Variants in STARD13 observed in about 807,000 individuals in gnomAD.
STARD13 encodes stAR-related lipid transfer protein 13.
In STARD13, 62 loss-of-function variants were observed where a neutral mutation model predicts 106.4. The observed-to-expected ratio is 0.58, with a 90% CI of 0.48 to 0.72. The LOEUF is 0.72. Ranked by LOEUF, STARD13 falls within the 30% of genes least tolerant of loss-of-function variation. STARD13 has a pLI of 0.00. For synonymous variants in STARD13, 565 were observed against 553.0 expected (o/e 1.02, Z -0.31); for missense variants, 1,387 against 1,424.0 (o/e 0.97, Z 0.42).
intron 1 of STARD13, among the ~76,000 whole-genome samples, chr13:33,225,541 G>C (rs993933826): frequency 7.9e-5 from 12 of 152,042 alleles, no homozygotes; most frequent in African/African-American, 2.9e-4. Flanking sequence ...GAAGAGCTTT[G>C]GTACATAATA....
intron 1 of STARD13, among the ~76,000 whole-genome samples, chr13:33,252,476 G>A (rs1002003433): frequency 2.0e-5 from 3 of 152,088 alleles, no homozygotes; most frequent in South Asian, 2.1e-4. Flanking sequence ...CCTCCCTTCC[G>A]CATACTTTCA....
intron 1 of STARD13, among the ~76,000 whole-genome samples, chr13:33,307,717 T>A (rs180805843): frequency 6.6e-6 from 1 of 152,244 alleles, no homozygotes; most frequent in Admixed American, 6.5e-5. Context: ...TGGGGCTTAA[T>A]ACCTAGGTGA....
chr13:33,343,770 C>A (rs1361099523), downstream of STARD13, among the ~76,000 whole-genome samples: 1 of 151,648 alleles, frequency 6.6e-6, no homozygotes, highest in African/African-American at 2.4e-5. Context: ...GTAATTTATT[C>A]AGGTCTTGTC....
At chr13:33,479,608 C>T in the STARD13 span, among the ~76,000 whole-genome samples, 2 of 152,158 alleles carry the variant, frequency 1.3e-5, no homozygotes, top group African/African-American at 4.8e-5. Flanking sequence ...GGAGTTGACA[C>T]AGATGTATTG....
intron 1 of STARD13, among the ~76,000 whole-genome samples, chr13:33,341,608 A>G (rs1467269497): frequency 6.7e-6 from 1 of 149,102 alleles, no homozygotes; most frequent in Non-Finnish European, 1.5e-5. Flanking sequence ...AAAAAAAAAG[A>G]AGAAGAAAAA....
the STARD13 span, among the ~76,000 whole-genome samples, chr13:33,549,799 CAT>C: frequency 1.3e-5 from 2 of 151,992 alleles, no homozygotes; most frequent in African/African-American, 2.4e-5. Flanking sequence ...TTTTTTTTCT[CAT>C]GTGACATATA....
intron 1 of STARD13, among the ~76,000 whole-genome samples, chr13:33,200,912 G>A (rs1886981665): frequency 6.6e-6 from 1 of 152,192 alleles, no homozygotes; most frequent in African/African-American, 2.4e-5. Flanking sequence ...TGTGGTCCCA[G>A]CTACTCGGGA....
intron 1 of STARD13, among the ~76,000 whole-genome samples, chr13:33,295,018 T>C (rs1892433573): frequency 6.6e-6 from 1 of 152,060 alleles, no homozygotes; most frequent in Non-Finnish European, 1.5e-5. Flanking sequence ...ACAATCCCTT[T>C]CTTCATGGTG....
the STARD13 span, among the ~76,000 whole-genome samples, chr13:33,456,634 A>G: frequency 6.6e-6 from 1 of 152,060 alleles, no homozygotes; most frequent in Non-Finnish European, 1.5e-5. Flanking sequence ...GTAAGTTTTC[A>G]TTCCTGTGTC....
intron 1 of STARD13, among the ~76,000 whole-genome samples, chr13:33,210,302 G>C (rs1260399444): frequency 1.1e-4 from 16 of 152,186 alleles, no homozygotes; most frequent in Admixed American, 9.8e-4. Context: ...GAAGAACACA[G>C]TATTTCACAG....
the STARD13 span, among the ~76,000 whole-genome samples, chr13:33,645,068 C>T: frequency 6.6e-6 from 1 of 152,072 alleles, no homozygotes; most frequent in East Asian, 1.9e-4. Flanking sequence ...GCAACGTGAC[C>T]TCGCCGTTCC....
chr13:33,288,929 T>G (rs935691916), upstream of STARD13, among the ~76,000 whole-genome samples: 2 of 152,352 alleles, frequency 1.3e-5, no homozygotes, highest in Middle Eastern at 3.4e-3. Context: ...CTTGTATTTT[T>G]TAAATAAATT....
intron 1 of STARD13, among the ~76,000 whole-genome samples, chr13:33,231,412 C>CTTCGTAGT (rs2138211803): frequency 6.6e-6 from 1 of 152,286 alleles, no homozygotes; most frequent in African/African-American, 2.4e-5. Context: ...AGCTCTGGTG[C>CTTCGTAGT]TTCGTAGTCC....
downstream of STARD13, among the ~76,000 whole-genome samples, chr13:33,344,502 A>AT (rs11418176): frequency 0.19 from 28,663 of 152,128 alleles, 3,119 homozygotes; most frequent in African/African-American, 0.29. Flanking sequence ...TTAGATGTTA[A>AT]GAGGAAGTTT....
At chr13:33,207,807 G>C (rs1213650226) in intron 1 of STARD13, among the ~76,000 whole-genome samples, 3 of 152,178 alleles carry the variant, frequency 2.0e-5, no homozygotes, top group Non-Finnish European at 4.4e-5. Context: ...CCAGAAGTCA[G>C]CTTTTTAATC....
chr13:33,152,244 G>T (rs371473490), intron 3 of STARD13, among the ~76,000 whole-genome samples: 3 of 152,282 alleles, frequency 2.0e-5, no homozygotes, highest in African/African-American at 7.2e-5. Context: ...TGTAGGAGTC[G>T]ACAACAACTA....
chr13:33,665,788 A>G, the STARD13 span, among the ~76,000 whole-genome samples: 1 of 152,318 alleles, frequency 6.6e-6, no homozygotes, highest in African/African-American at 2.4e-5. Flanking sequence ...ATGAGAGAAG[A>G]GGGAAACATT....
rs1878160319 is a variant in STARD13 at position 33,130,681 on chromosome 13, A to G, written c.388-392T>C. Among the ~76,000 whole-genome samples the G allele has an allele frequency of 6.6e-6, 1 of 152,188 alleles. No homozygotes were observed. Among genetic ancestry groups the G allele is most frequent in the African/African-American group, 2.4e-5 (1 of 41,454 alleles). Reference sequence around the variant, plus strand: ...CACAAAGGAACTCAACTCTGCCATAAAAGGCACTTACTTCTTTCCAGAAAC... The same window carrying G: ...CACAAAGGAACTCAACTCTGCCATAGAAGGCACTTACTTCTTTCCAGAAAC... On this transcript the variant is annotated intron_variant, in intron 4 of 13. Transcript: ENST00000336934. This position sits in a 1 kb window ranked among gnomAD's most constrained non-coding sequence, Gnocchi z 4.1.
the STARD13 span, among the ~76,000 whole-genome samples, chr13:33,458,276 TG>T: frequency 2.8e-5 from 4 of 143,484 alleles, no homozygotes; most frequent in Non-Finnish European, 4.4e-5. Context: ...TGTTTTTTGT[TG>T]TTTTTTTTTT....
Sources: gnomAD v4.1 joint callset for allele counts (sites outside exome capture counted in the v4.1 genomes callset) on GRCh38, gnomAD v4.1.1 for gene constraint, Gnocchi (gnomAD v3.1) non-coding constraint, MANE v1.5 for transcripts, NCBI Gene and HGNC (gene_info 2026-07-23, HGNC 2026-07-21) for gene names.